DBF4B: variants seen among roughly 807,000 people sequenced by gnomAD.
The protein encoded by DBF4B is DBF4B-CDC7 kinase regulatory subunit, also known as protein DBF4 homolog B.
In DBF4B, 49 loss-of-function variants were observed where a neutral mutation model predicts 53.4. The ratio of observed to expected loss-of-function variants is 0.92; its 90% CI spans 0.73 to 1.16. The LOEUF (loss-of-function observed/expected upper bound fraction) is 1.16. Among genes scored for constraint, DBF4B ranks in the 50% most tolerant of loss-of-function variants. The pLI is 0.00. For missense variants in DBF4B, 692 were observed against 775.0 expected (o/e 0.89, Z 1.27); for synonymous variants, 257 against 288.7 (o/e 0.89, Z 1.11).
At chr17:44,720,160 G>A (rs1598776074) in intron 2 of DBF4B, 3 of 347,960 alleles carry the variant, frequency 8.6e-6, no homozygotes, top group East Asian at 1.7e-4. Flanking sequence ...GATCAGAATC[G>A]TCCTGGAGGT....
Position 44,722,864 on chromosome 17 carries a change from C to G in DBF4B, c.83-16C>G, listed in dbSNP as rs1973971310. The G allele has an allele frequency of 1.2e-6, 2 of 1,612,688 alleles. No individual in the cohort carries two copies. The highest frequency in any genetic ancestry group is 1.3e-5 in the African/African-American group (1 of 74,836). ...TTTTCAAACTTCTTACTTTGCTCCT[C>G]TTTATTGTTTTCTAGGAGTTTCCAG... On this transcript the variant is annotated splice_polypyrimidine_tract_variant and intron_variant, in intron 2 of 13. Coordinates refer to ENST00000315005, the MANE Select transcript of DBF4B (RefSeq NM_145663.3).
intron 3 of DBF4B, among the ~76,000 whole-genome samples, chr17:44,726,292 T>TTTTTATTTA (rs1555676222): frequency 7.6e-6 from 1 of 132,054 alleles, no homozygotes; most frequent in Non-Finnish European, 1.6e-5. Flanking sequence ...CCCGGCCCTT[T>TTTTTATTTA]TTTATTTATT....
chr17:44,722,228 GCT>G (rs1414755377), intron 2 of DBF4B, among the ~76,000 whole-genome samples: 2 of 151,132 alleles, frequency 1.3e-5, no homozygotes, highest in African/African-American at 4.9e-5. Flanking sequence ...AGCATTCTGT[GCT>G]CTCCAACACA....
Position 44,728,569 on chromosome 17 carries a change from A to G in DBF4B, c.226-1336A>G, listed in dbSNP as rs142449590. On this transcript the variant is annotated intron_variant, in intron 3 of 13. Coordinates refer to ENST00000315005, the MANE Select transcript of DBF4B (RefSeq NM_145663.3). ...CACGGTGGCTCACACCTGTAATCCC[A>G]GCACTTTGGGAGTCCAAGGCGGGCA... 5.2e-3 allele frequency among the ~76,000 whole-genome samples: 792 copies of G among 152,020 alleles called. 6 individuals carry two copies. Among genetic ancestry groups the G allele is most frequent in the African/African-American group, 0.018 (760 of 41,378 alleles).
At position 44,747,378 on chromosome 17, in the gene DBF4B, C is replaced by G. The variant is rs772379397; in HGVS notation, c.940-13C>G. The G allele has an allele frequency of 1.9e-6, 3 of 1,613,358 alleles. No individual in the cohort carries two copies. The South Asian group carries it at 3.3e-5, about 18-fold the overall frequency. The stretch of plus-strand genomic sequence containing the variant: ...CTCATCTAATGCCCTGTGCTCCTCT[C>G]CCCCGCCGGCAGCATCTTCAGAGTG... On this transcript the variant is annotated splice_polypyrimidine_tract_variant and intron_variant, in intron 11 of 13. Coordinates refer to ENST00000315005, the MANE Select transcript of DBF4B (RefSeq NM_145663.3).
chr17:44,742,579 G>T (rs996160758), intron 10 of DBF4B, among the ~76,000 whole-genome samples: 4 of 151,994 alleles, frequency 2.6e-5, no homozygotes, highest in African/African-American at 9.7e-5. Context: ...AAACCCTGAT[G>T]CAGGTTCCTA....
chr17:44,743,019 A>G (rs553958773), intron 10 of DBF4B, among the ~76,000 whole-genome samples: 22 of 152,272 alleles, frequency 1.4e-4, no homozygotes, highest in Non-Finnish European at 2.6e-4. Context: ...TACAAATAGG[A>G]GGGAAAAAAT....
rs1209319971 is a variant in DBF4B at position 44,747,424 on chromosome 17, C to T, written c.973C>T (p.Leu325=). 1 of 1,614,176 alleles carries T rather than the reference C, an allele frequency of 6.2e-7. No homozygotes were observed. The highest frequency in any genetic ancestry group is 8.5e-7 in the Non-Finnish European group (1 of 1,180,034). Residue 325 remains leucine, a synonymous_variant, in exon 12 of 14, where the codon CTG becomes TTG. Coordinates refer to ENST00000315005, the MANE Select transcript of DBF4B (RefSeq NM_145663.3). ...LQSAQHRSFA[L]EAHLYAEVDR... ...GAGTGCCCAGCACCGGAGCTTTGCC[C>T]TGGAAGCCCATCTATATGCAGAAGT... is the stretch of plus-strand genomic sequence containing the variant.
chr17:44,725,387 T>C (rs989097980), intron 3 of DBF4B, among the ~76,000 whole-genome samples: 1 of 152,152 alleles, frequency 6.6e-6, no homozygotes, highest in African/African-American at 2.4e-5. Flanking sequence ...TTTTTAAGTA[T>C]TTTTCTTTCC....
intron 10 of DBF4B, among the ~76,000 whole-genome samples, chr17:44,742,726 C>T (rs961897642): frequency 3.9e-5 from 6 of 151,912 alleles, no homozygotes; most frequent in African/African-American, 4.8e-5. Context: ...AACTAAGGGG[C>T]GGGGCGGGGG....
rs1210778097 is a variant in DBF4B, at chr17:44,744,085, C to G, written c.830+2633C>G. The stretch of plus-strand genomic sequence containing the variant: ...CCTGGGCAACATAATGAGACCACCC[C>G]CCCCCCCCCCCGCCCATCTCTATTT... On this transcript the variant is annotated intron_variant, in intron 10 of 13. Coordinates refer to ENST00000315005, the MANE Select transcript of DBF4B (RefSeq NM_145663.3). 2.5e-4 allele frequency among the ~76,000 whole-genome samples: 12 copies of G among 47,532 alleles called. 1 individual carries two copies. In the South Asian group the frequency reaches 5.9e-3, roughly 24 times the overall value. The allele number at this position is 47,532 out of a possible 152,430, so 31.2% of individuals were successfully genotyped here.
chr17:44,729,957 G>C lies in DBF4B; in HGVS notation c.278G>C (p.Arg93Thr). ...KEVSYIVSSR[R>T]EVKAESSGKS... Reference sequence around the variant, plus strand: ...GTAAGTTACATCGTGTCCAGCCGCAGAGAAGTAAAGGCAGAGAGCAGTGGG... The same window carrying C: ...GTAAGTTACATCGTGTCCAGCCGCACAGAAGTAAAGGCAGAGAGCAGTGGG... Residue 93 changes from arginine to threonine, a missense_variant, in exon 4 of 14, where the codon AGA becomes ACA. By Grantham distance (71) the Arg-to-Thr change is moderately conservative. This residue lies in a region of DBF4B where 597 missense variants were observed against 665.8 expected (regional missense o/e 0.90). Transcript: ENST00000315005. 1 of 1,614,084 alleles carries C rather than the reference G, an allele frequency of 6.2e-7. No homozygotes were observed.
At chr17:44,726,593 A>G (rs1974366425) in intron 3 of DBF4B, among the ~76,000 whole-genome samples, 1 of 151,844 alleles carries the variant, frequency 6.6e-6, no homozygotes, top group Non-Finnish European at 1.5e-5. Flanking sequence ...TCAATTTTTT[A>G]CCCATAACCT....
At chr17:44,743,012 A>G (rs148081427) in intron 10 of DBF4B, among the ~76,000 whole-genome samples, 202 of 152,308 alleles carry the variant, frequency 1.3e-3, no homozygotes, top group African/African-American at 4.7e-3. Context: ...AAAATAGTAC[A>G]AATAGGAGGG....
At chr17:44,712,854 C>T (rs57837781) in intron 2 of DBF4B, among the ~76,000 whole-genome samples, 61,648 of 151,458 alleles carry the variant, frequency 0.41, 14,832 homozygotes, top group East Asian at 0.72. Flanking sequence ...GAATTACAGG[C>T]GTGAGCCACC....
At chr17:44,716,445 C>T (rs1389435058) in intron 2 of DBF4B, among the ~76,000 whole-genome samples, 2 of 152,144 alleles carry the variant, frequency 1.3e-5, no homozygotes, top group African/African-American at 2.4e-5. Flanking sequence ...CCTATGTTTT[C>T]ACTGGGGCTT....
Position 44,748,369 on chromosome 17 carries a change from G to A in DBF4B, c.1093G>A (p.Asp365Asn). Residue 365 changes from aspartate (D) to asparagine (N), a missense_variant, in exon 13 of 14, where the codon GAC becomes AAC. Asp to Asn is a conservative substitution (Grantham distance 23). Around this residue, in one of 3 missense-constraint regions of DBF4B, gnomAD observed 597 missense variants for 665.8 expected, o/e 0.90. Transcript: ENST00000315005. ...RWSGSPASDCDPLCPETLHPH... is the reference protein window; with the variant it reads ...RWSGSPASDCNPLCPETLHPH... ...GTCAGGTTCCCCAGCTTCTGATTGTGACCCTCTCTGTCCTGAGACTCTGCA... is the reference window on the plus strand; with the variant it reads ...GTCAGGTTCCCCAGCTTCTGATTGTAACCCTCTCTGTCCTGAGACTCTGCA... The A allele has an allele frequency of 6.2e-7, 1 of 1,608,130 alleles. No individual in the cohort carries two copies. Among genetic ancestry groups the A allele is most frequent in the Non-Finnish European group, 8.5e-7 (1 of 1,177,140 alleles).
At chr17:44,724,508 G>A (rs1974122097) in intron 3 of DBF4B, among the ~76,000 whole-genome samples, 2 of 152,286 alleles carry the variant, frequency 1.3e-5, no homozygotes, top group East Asian at 3.9e-4. Flanking sequence ...CTCCCAAGTA[G>A]CTGGGACTAC....
At chr17:44,709,480 T>G in intron 2 of DBF4B, 114 bp downstream of exon 2, 1 of 1,137,040 alleles carries the variant, frequency 8.8e-7, no homozygotes, top group Non-Finnish European at 1.3e-6. Context: ...TGTTTTTATG[T>G]ACTTATTTAT....
Sources: gnomAD v4.1 joint callset for allele counts (sites outside exome capture counted in the v4.1 genomes callset) on GRCh38, gnomAD v4.1.1 for gene constraint, gnomAD v4.1.1 regional missense constraint, MANE v1.5 for transcripts, NCBI Gene and HGNC (gene_info 2026-07-23, HGNC 2026-07-21) for gene names.